Variants in NFYB observed in about 807,000 individuals in gnomAD.
The protein encoded by NFYB is CAAT box DNA-binding protein subunit B.
A neutral mutation model predicts 28.0 loss-of-function variants in NFYB; 13 were observed. The observed-to-expected ratio is 0.46, with a 90% CI of 0.30 to 0.74. The LOEUF is 0.74. Among genes scored for constraint, NFYB ranks in the 30% least tolerant of loss-of-function variants. The pLI is 0.07. For missense variants in NFYB, 142 were observed against 247.6 expected (o/e 0.57, Z 2.86); for synonymous variants, 74 against 75.0 (o/e 0.99, Z 0.07).
intron 2 of NFYB, chr12:104,131,875 A>G (rs2030937939): frequency 2.3e-6 from 1 of 431,212 alleles, no homozygotes; most frequent in Admixed American, 2.6e-5. Context: ...AACAGAGCCT[A>G]TTAGTCCTTC....
chr12:104,132,026 A>G (rs1298262595), intron 2 of NFYB, among the ~76,000 whole-genome samples: 1 of 152,250 alleles, frequency 6.6e-6, no homozygotes, highest in Non-Finnish European at 1.5e-5. Flanking sequence ...TAAAGACAGC[A>G]TAGTACAATG....
chr12:104,123,647 C>G (rs1341470449), intron 4 of NFYB, among the ~76,000 whole-genome samples: 1 of 152,162 alleles, frequency 6.6e-6, no homozygotes, highest in African/African-American at 2.4e-5. Context: ...CAACTATTTA[C>G]AGAAACAAAT....
In NFYB at chr12:104,126,126, A is replaced by G; in HGVS notation, c.219T>C (p.Pro73=). 1 of 1,582,334 alleles carries G rather than the reference A, an allele frequency of 6.3e-7. No homozygotes were observed. The highest frequency in any genetic ancestry group is 1.4e-5 in the African/African-American group (1 of 73,130). The change falls in exon 4 of 8, where the codon CCT becomes CCC. Residue 73 remains proline, a synonymous_variant. Transcript: ENST00000240055. ...NVARIMKNAI[P]QTGKIAKDAK... The stretch of plus-strand genomic sequence containing the variant: ...TCCTCTACGTTACCTTTCCCGTTTG[A>G]GGTATGGCATTTTTCATTATCCTAG...
intron 5 of NFYB, among the ~76,000 whole-genome samples, chr12:104,122,563 G>A (rs778836697): frequency 3.9e-5 from 6 of 152,128 alleles, no homozygotes; most frequent in South Asian, 2.1e-4. Flanking sequence ...TCTCATAGGC[G>A]CTGGAACCCT....
chr12:104,119,497 T>C lies in NFYB; in HGVS notation c.*240A>G, dbSNP rs2136642681. On this transcript the variant is annotated 3_prime_UTR_variant, in exon 8 of 8. Transcript: ENST00000240055. Reference sequence around the variant, plus strand: ...ACAGGAGTCATACAGAGCAACAAACTCTCGTACAAAACAAAAATATTTTAA... The same window carrying C: ...ACAGGAGTCATACAGAGCAACAAACCCTCGTACAAAACAAAAATATTTTAA... 4 of 402,440 alleles carry C rather than the reference T, an allele frequency of 9.9e-6. No individual in the cohort carries two copies. In the East Asian group the frequency reaches 1.1e-4, roughly 11 times the overall value. 24.9% of individuals were successfully genotyped at this position (402,440 alleles called of 1,614,324 possible).
intron 3 of NFYB, 89 bp from the exon 4 acceptor site, chr12:104,126,333 C>T: frequency 2.1e-6 from 2 of 971,194 alleles, no homozygotes; most frequent in Non-Finnish European, 2.8e-6. Flanking sequence ...AGAATAAAAT[C>T]ATTCTGGTTC....
intron 4 of NFYB, among the ~76,000 whole-genome samples, chr12:104,124,356 G>A (rs1292552403): frequency 6.6e-6 from 1 of 152,052 alleles, no homozygotes; most frequent in African/African-American, 2.4e-5. Context: ...AAGGGTCTGG[G>A]GTCTAAAAAT....
intron 7 of NFYB, 121 bp from the exon 8 acceptor site, chr12:104,119,890 G>T (rs1377059931): frequency 4.7e-6 from 3 of 642,130 alleles, no homozygotes; most frequent in Non-Finnish European, 8.1e-6. Context: ...CATTTCTTGT[G>T]TATCTTTCTA....
intron 2 of NFYB, among the ~76,000 whole-genome samples, chr12:104,128,848 A>G (rs1281475244): frequency 2.0e-5 from 3 of 151,750 alleles, no homozygotes; most frequent in African/African-American, 7.3e-5. Flanking sequence ...TTGTATTTTT[A>G]GCAGAGACAG....
chr12:104,127,162 C>T (rs751488865), intron 3 of NFYB, among the ~76,000 whole-genome samples: 4 of 152,120 alleles, frequency 2.6e-5, no homozygotes, highest in Non-Finnish European at 4.4e-5. Context: ...ATTCAATTTA[C>T]GTTTTTATGT....
chr12:104,123,373 G>A lies in NFYB; in HGVS notation c.282C>T (p.Ile94=). The change falls in exon 5 of 8, where the codon ATC becomes ATT. Residue 94 remains isoleucine (I), a synonymous_variant. Coordinates refer to ENST00000240055, the MANE Select transcript of NFYB (RefSeq NM_006166.4). ...CACTTGCTTCAGATGTTATAAAACTGATGAACTCACTTACACATTCTTGAA... is the reference window on the plus strand; with the variant it reads ...CACTTGCTTCAGATGTTATAAAACTAATGAACTCACTTACACATTCTTGAA... ...ECVQECVSEF[I]SFITSEASER... The A allele has an allele frequency of 6.2e-7, 1 of 1,614,056 alleles. No individual in the cohort carries two copies. Among genetic ancestry groups the A allele is most frequent in the Non-Finnish European group, 8.5e-7 (1 of 1,180,010 alleles).
At chr12:104,131,229 G>C (rs903067887) in intron 2 of NFYB, 1 of 152,422 alleles carries the variant, frequency 6.6e-6, no homozygotes, top group African/African-American at 2.4e-5. Flanking sequence ...AGAGTTGTCA[G>C]AATTAAATAA....
rs897123755 is a variant in NFYB, at chr12:104,117,269, A to T, written c.*2468T>A. 1.3e-5 allele frequency: 2 copies of T among 152,176 alleles called. No individual in the cohort carries two copies. The highest frequency in any genetic ancestry group is 4.8e-5 in the African/African-American group (2 of 41,432). The allele number at this position is 152,176 out of a possible 1,614,324, so 9.4% of individuals were successfully genotyped here. A position where few individuals can be genotyped will look rare whatever the true frequency, so the allele number is the denominator to read the frequency against. ...ATTCAGAATGTCCATTTTCTTTCCC[A>T]TCAGAGTATGAAGTCCAACAATGAA... On this transcript the variant is annotated 3_prime_UTR_variant, in exon 8 of 8. Coordinates refer to ENST00000240055, the MANE Select transcript of NFYB (RefSeq NM_006166.4).
In NFYB at chr12:104,127,481, T is replaced by C. The variant is rs534650873; in HGVS notation, c.100+943A>G. Among the ~76,000 whole-genome samples the C allele has an allele frequency of 4.0e-5, 6 of 151,476 alleles. No individual in the cohort carries two copies. The South Asian group carries it at 8.3e-4, about 21-fold the overall frequency. On this transcript the variant is annotated intron_variant, in intron 3 of 7. Coordinates refer to ENST00000240055, the MANE Select transcript of NFYB (RefSeq NM_006166.4). ...TAACGGGCAGGCTGAGGCAGGAGAA[T>C]TGCTTGAACCCAGGAGGCGGAGGTT...
Position 104,126,129 on chromosome 12 carries a change from T to C in NFYB, c.216A>G (p.Ile72Met). 1.3e-6 allele frequency: 2 copies of C among 1,584,596 alleles called. No individual in the cohort carries two copies. The highest frequency in any genetic ancestry group is 1.7e-6 in the Non-Finnish European group (2 of 1,170,492). ...ANVARIMKNA[I>M]PQTGKIAKDA... ...TCTACGTTACCTTTCCCGTTTGAGG[T>C]ATGGCATTTTTCATTATCCTAGCCA... is the stretch of plus-strand genomic sequence containing the variant. The change falls in exon 4 of 8, where the codon ATA (isoleucine) becomes ATG (methionine). Residue 72 changes from isoleucine (I) to methionine (M), a missense_variant. Transcript: ENST00000240055.
At chr12:104,131,476 C>G (rs1447017868) in intron 2 of NFYB, 1 of 260,134 alleles carries the variant, frequency 3.8e-6, no homozygotes, top group Non-Finnish European at 7.7e-6. Context: ...CTCCTTTAAT[C>G]TTTCTGATTT....
rs1005767718 is a variant in NFYB at position 104,119,516 on chromosome 12, A to AT, written c.*220dup. The AT allele has an allele frequency of 2.2e-6, 1 of 448,972 alleles. No homozygotes were observed. Among genetic ancestry groups the AT allele is most frequent in the African/African-American group, 1.9e-5 (1 of 51,388 alleles). 27.8% of individuals were successfully genotyped at this position (448,972 alleles called of 1,614,324 possible). Reference sequence around the variant, plus strand: ...ACAAACTCTCGTACAAAACAAAAATATTTTAATACCTTTAAAATCCAAATT... The same window carrying AT: ...ACAAACTCTCGTACAAAACAAAAATATTTTTAATACCTTTAAAATCCAAATT... On this transcript the variant is annotated 3_prime_UTR_variant, in exon 8 of 8. Transcript: ENST00000240055.
chr12:104,133,725 T>A (rs2031005757), intron 2 of NFYB, among the ~76,000 whole-genome samples: 1 of 152,194 alleles, frequency 6.6e-6, no homozygotes, highest in Non-Finnish European at 1.5e-5. Context: ...GTTTTCTGGG[T>A]TACATTCCTT....
chr12:104,135,198 A>T (rs1489100748), intron 2 of NFYB, among the ~76,000 whole-genome samples: 4 of 152,242 alleles, frequency 2.6e-5, no homozygotes, highest in Non-Finnish European at 5.9e-5. Context: ...TTAATTGGCT[A>T]AACAGACAGC....
Sources: allele counts gnomAD v4.1 joint callset (sites outside exome capture counted in the v4.1 genomes callset), GRCh38; gene constraint gnomAD v4.1.1; transcripts MANE v1.5; gene names NCBI Gene and HGNC (gene_info 2026-07-23, HGNC 2026-07-21).